UBA3: variants seen among roughly 807,000 people sequenced by gnomAD.
The protein encoded by UBA3 is ubiquitin like modifier activating enzyme 3.
In UBA3, 26 loss-of-function variants were observed where a neutral mutation model predicts 73.5. That is an observed-to-expected ratio of 0.35 (90% CI 0.26 to 0.49). The LOEUF (loss-of-function observed/expected upper bound fraction) is 0.49. UBA3 is among the 20% of genes least tolerant of loss of function. The pLI is 0.98. For synonymous variants in UBA3, 217 were observed against 191.2 expected (o/e 1.13, Z -1.11); for missense variants, 495 against 555.6 (o/e 0.89, Z 1.10).
chr3:69,071,677 T>C (rs528628430), intron 4 of UBA3, 60 bp from the exon 5 acceptor site: 3 of 1,108,968 alleles, frequency 2.7e-6, no homozygotes, highest in Admixed American at 2.9e-5. Context: ...AAACGTAACA[T>C]TTGTTTTCAA....
At chr3:69,058,887 T>C (rs2091999076) in intron 11 of UBA3, among the ~76,000 whole-genome samples, 1 of 152,180 alleles carries the variant, frequency 6.6e-6, no homozygotes, top group Non-Finnish European at 1.5e-5. Flanking sequence ...AGGCCCTCAT[T>C]CACCAGCCTA....
intron 10 of UBA3, 26 bp from the exon 11 acceptor site, chr3:69,061,953 G>A (rs768819064): frequency 6.7e-7 from 1 of 1,494,034 alleles, no homozygotes. Context: ...AAGGGAGAGA[G>A]AGAGAGAGAG....
At chr3:69,061,760 A>G in intron 11 of UBA3, 54 bp downstream of exon 11, 1 of 1,185,696 alleles carries the variant, frequency 8.4e-7, no homozygotes, top group South Asian at 1.4e-5. Context: ...TCCTGAAAGC[A>G]TCCCAGCCCT....
At chr3:69,057,159 CAAG>C (rs767496718) in intron 12 of UBA3, 94 bp downstream of exon 12, 26 of 1,264,056 alleles carry the variant, frequency 2.1e-5, no homozygotes, top group Middle Eastern at 1.9e-4. Flanking sequence ...ACAACCCATC[CAAG>C]AAGATATCAA....
rs1354222609 is a variant in UBA3, at chr3:69,056,814, A to C, written c.966T>G (p.Ala322=). ...TTTTAAAAACCTCAGTGGCACACACAGCTGAAGGGAGGAGAAAATACAGGT... is the reference window on the plus strand; with the variant it reads ...TTTTAAAAACCTCAGTGGCACACACCGCTGAAGGGAGGAGAAAATACAGGT... ...AVASTNAVIA[A]VCATEVFKIA... is the part of the protein sequence containing the mutation. Residue 322 remains alanine (A), a splice_region_variant and synonymous_variant, in exon 13 of 18, where the codon GCT becomes GCG. Transcript: ENST00000361055. 5.0e-6 allele frequency: 8 copies of C among 1,611,440 alleles called. No homozygotes were observed. Among genetic ancestry groups the C allele is most frequent in the Admixed American group, 1.7e-5 (1 of 59,298 alleles).
intron 4 of UBA3, among the ~76,000 whole-genome samples, chr3:69,074,098 C>T (rs115829541): frequency 4.9e-4 from 74 of 152,286 alleles, no homozygotes; most frequent in African/African-American, 1.7e-3. Flanking sequence ...CTTAAAGTTG[C>T]TTGGTGACTA....
At position 69,079,774 on chromosome 3, in the gene UBA3, T is replaced by C. The variant is rs570075505; in HGVS notation, c.62+338A>G. 1.0e-3 allele frequency: 352 copies of C among 344,748 alleles called. 4 individuals carry two copies. Among genetic ancestry groups the C allele is most frequent in the African/African-American group, 7.0e-3 (324 of 45,958 alleles). 21.4% of individuals were successfully genotyped at this position (344,748 alleles called of 1,614,324 possible). A position where few individuals can be genotyped will look rare whatever the true frequency, so the allele number is the denominator to read the frequency against. ...CCTTTTCCTGTGTGTTTAAGGTAGA[T>C]TGCCTTTTCACAGGGTCACTGCTCT... is the stretch of plus-strand genomic sequence containing the variant. On this transcript the variant is annotated intron_variant, in intron 2 of 17. Transcript: ENST00000361055.
intron 3 of UBA3, among the ~76,000 whole-genome samples, chr3:69,075,936 G>A (rs955564537): frequency 6.6e-6 from 1 of 151,960 alleles, no homozygotes; most frequent in African/African-American, 2.4e-5. Context: ...TCACCATGTG[G>A]GCCAGACTGG....
chr3:69,072,340 AT>A (rs2092127462), intron 4 of UBA3, among the ~76,000 whole-genome samples: 1 of 152,058 alleles, frequency 6.6e-6, no homozygotes, highest in South Asian at 2.1e-4. Context: ...TAATTTCCTC[AT>A]TTTTCTGTCC....
At chr3:69,067,263 T>G (rs776871528) in intron 6 of UBA3, among the ~76,000 whole-genome samples, 17 of 152,232 alleles carry the variant, frequency 1.1e-4, no homozygotes, top group Non-Finnish European at 1.9e-4. Context: ...TTGTAGTTTT[T>G]CACTATATAA....
Position 69,056,250 on chromosome 3 carries a change from T to G in UBA3, c.1117A>C (p.Asn373His). Residue 373 changes from asparagine to histidine, a missense_variant, in exon 15 of 18, where the codon AAT becomes CAT. Asn to His is a moderately conservative substitution (Grantham distance 68, BLOSUM62 1). Transcript: ENST00000361055. ...NCPACSQLPQ[N>H]IQFSPSAKLQ... The stretch of plus-strand genomic sequence containing the variant: ...TTAGCTGATGGAGAAAACTGAATAT[T>G]TTGAGGAAGCTGGCTACAAGCTGGG... The G allele has an allele frequency of 6.2e-7, 1 of 1,604,176 alleles. No homozygotes were observed. Among genetic ancestry groups the G allele is most frequent in the Middle Eastern group, 1.7e-4 (1 of 6,026 alleles).
intron 11 of UBA3, chr3:69,061,549 T>A: frequency 3.3e-6 from 1 of 305,602 alleles, no homozygotes; most frequent in Non-Finnish European, 6.0e-6. Flanking sequence ...CCTGTCCAAA[T>A]GTGAAATAGA....
At chr3:69,063,379 G>A (rs2092039651) in intron 8 of UBA3, 60 bp downstream of exon 8, 2 of 1,492,794 alleles carry the variant, frequency 1.3e-6, no homozygotes, top group Admixed American at 4.4e-5. Context: ...TTCTAATTTT[G>A]GGGATGTGAA....
intron 6 of UBA3, among the ~76,000 whole-genome samples, chr3:69,065,832 A>G (rs774296839): frequency 6.6e-6 from 1 of 152,130 alleles, no homozygotes; most frequent in African/African-American, 2.4e-5. Flanking sequence ...TTTTAGTCTA[A>G]TAGTTGTGTA....
chr3:69,070,100 T>A (rs781253823), intron 5 of UBA3, among the ~76,000 whole-genome samples: 1 of 152,218 alleles, frequency 6.6e-6, no homozygotes, highest in Non-Finnish European at 1.5e-5. Context: ...GTTATTACCA[T>A]CTTCAACCAT....
At position 69,056,168 on chromosome 3, in the gene UBA3, A is replaced by G; in HGVS notation, c.1184+15T>C. The G allele has an allele frequency of 6.4e-7, 1 of 1,568,226 alleles. No homozygotes were observed. Among genetic ancestry groups the G allele is most frequent in the Non-Finnish European group, 8.6e-7 (1 of 1,164,136 alleles). On this transcript the variant is annotated intron_variant, in intron 15 of 17. Transcript: ENST00000361055. The stretch of plus-strand genomic sequence containing the variant: ...AAATGATTTTTACAACATAACAAAA[A>G]TCTACAATACTTACAGAGAAGCACT...
intron 5 of UBA3, among the ~76,000 whole-genome samples, chr3:69,068,406 T>A (rs1216880575): frequency 6.6e-6 from 1 of 152,078 alleles, no homozygotes; most frequent in Non-Finnish European, 1.5e-5. Context: ...ATAAGATTCA[T>A]CCTTGGGATG....
chr3:69,056,115 A>T (rs755881331), intron 15 of UBA3, 52 bp from the exon 16 acceptor site: 2 of 1,560,188 alleles, frequency 1.3e-6, no homozygotes, highest in Non-Finnish European at 1.7e-6. Context: ...ATCAAAAGAT[A>T]ATTTTTTTAA....
intron 6 of UBA3, among the ~76,000 whole-genome samples, chr3:69,064,957 T>G (rs2092056518): frequency 6.6e-6 from 1 of 152,190 alleles, no homozygotes; most frequent in Non-Finnish European, 1.5e-5. Flanking sequence ...ATGCTTCCTC[T>G]AGATTTTTAA....
Sources: gnomAD v4.1 joint callset for allele counts (sites outside exome capture counted in the v4.1 genomes callset) on GRCh38, gnomAD v4.1.1 for gene constraint, MANE v1.5 for transcripts, NCBI Gene and HGNC (gene_info 2026-07-23, HGNC 2026-07-21) for gene names.